RLF: variants seen among roughly 807,000 people sequenced by gnomAD.
The protein encoded by RLF is zinc finger protein Rlf.
In RLF, 7 loss-of-function variants were observed where a neutral mutation model predicts 162.9. The observed-to-expected ratio is 0.04, with a 90% CI of 0.02 to 0.08. The LOEUF (loss-of-function observed/expected upper bound fraction) is 0.08, where lower values mean the gene tolerates loss of function less well. RLF is among the 10% of genes least tolerant of loss of function. The pLI is 1.00. For missense variants in RLF, 1,664 were observed against 2,244.7 expected, an observed-to-expected ratio of 0.74 and a Z score of 5.23; for synonymous variants, 782 against 791.5, an observed-to-expected ratio of 0.99 and a Z score of 0.20.
chr1:40,196,094 G>A (rs1035040019), intron 4 of RLF, among the ~76,000 whole-genome samples: 5 of 149,116 alleles, frequency 3.4e-5, no homozygotes, highest in Non-Finnish European at 5.9e-5. Flanking sequence ...TTTTTTTCCC[G>A]AGACGTTGTC....
At chr1:40,211,683 G>A (rs1642866792) in intron 5 of RLF, among the ~76,000 whole-genome samples, 1 of 151,898 alleles carries the variant, frequency 6.6e-6, no homozygotes, top group Non-Finnish European at 1.5e-5. Context: ...GTGCAATGGC[G>A]TGATATCGGC....
At chr1:40,179,425 A>AT (rs1344136992) in intron 1 of RLF, among the ~76,000 whole-genome samples, 1 of 152,174 alleles carries the variant, frequency 6.6e-6, no homozygotes, top group Non-Finnish European at 1.5e-5. Context: ...TAATGCAGAA[A>AT]TGGAGGATGG....
At chr1:40,174,914 A>G (rs1642298776) in intron 1 of RLF, among the ~76,000 whole-genome samples, 1 of 152,208 alleles carries the variant, frequency 6.6e-6, no homozygotes, top group South Asian at 2.1e-4. Context: ...ATGTTAAATC[A>G]AAGGGCCAAG....
chr1:40,161,736 C>T lies in RLF; in HGVS notation c.237+100C>T, dbSNP rs954373888. The stretch of plus-strand genomic sequence containing the variant: ...CAGCCGGGTCCAAACTGAAAGGCGC[C>T]ACCTCCGTGACTCGCCGCGCCCCCG... On this transcript the variant is annotated intron_variant, in intron 1 of 7. Transcript: ENST00000372771. This position sits in a 1 kb window ranked among gnomAD's most constrained non-coding sequence, Gnocchi z 4.4. 3.4e-6 allele frequency: 5 copies of T among 1,472,988 alleles called. No homozygotes were observed. In the African/African-American group the frequency reaches 5.8e-5, roughly 17 times the overall value. The allele number at this position is 1,472,988 out of a possible 1,614,324, so 91.2% of individuals were successfully genotyped here. A position where few individuals can be genotyped will look rare whatever the true frequency, so the allele number is the denominator to read the frequency against.
At position 40,237,861 on chromosome 1, in the gene RLF, G is replaced by A; in HGVS notation, c.3159G>A (p.Arg1053=). The A allele has an allele frequency of 6.2e-7, 1 of 1,614,080 alleles. No homozygotes were observed. The highest frequency in any genetic ancestry group is 2.2e-5 in the East Asian group (1 of 44,874). The change falls in exon 8 of 8, where the codon AGG becomes AGA. Residue 1053 remains arginine (R), a synonymous_variant. Coordinates refer to ENST00000372771, the MANE Select transcript of RLF (RefSeq NM_012421.4). The surrounding 1 kb of genome is among the most constrained non-coding windows in gnomAD (Gnocchi z 4.4). ...SSESSICASK[R]PCTEDTMLEL... is the part of the protein sequence containing the mutation. ...AATCCTCCATTTGTGCTTCTAAAAG[G>A]CCCTGTACAGAGGATACCATGTTGG...
In RLF at chr1:40,222,724, GT is replaced by G. The variant is rs1290783037; in HGVS notation, c.947+18del. The G allele has an allele frequency of 6.2e-6, 10 of 1,608,052 alleles. 1 individual carries two copies. The South Asian group carries it at 7.7e-5, about 12-fold the overall frequency. On this transcript the variant is annotated intron_variant, in intron 6 of 7. Transcript: ENST00000372771. ...ATATTGTTCTTGGTAAGTATATTTA[GT>G]TTTACACTCTTTATTTGTTAGTACA...
intron 1 of RLF, among the ~76,000 whole-genome samples, chr1:40,163,330 G>GGGT (rs949274076): frequency 6.6e-6 from 1 of 152,034 alleles, no homozygotes; most frequent in African/African-American, 2.4e-5. Flanking sequence ...GGAAGGAGAG[G>GGGT]GGTGGTGCAG....
At chr1:40,231,735 C>G in intron 7 of RLF, 77 bp downstream of exon 7, 1 of 1,326,920 alleles carries the variant, frequency 7.5e-7, no homozygotes, top group Non-Finnish European at 1.0e-6. Context: ...TCAGGAAATT[C>G]CCTTTAAAGG....
intron 5 of RLF, among the ~76,000 whole-genome samples, chr1:40,217,982 G>C (rs1228307067): frequency 6.6e-6 from 1 of 152,202 alleles, no homozygotes; most frequent in East Asian, 1.9e-4. Flanking sequence ...GGTTATCATT[G>C]AGTTGTAAGA....
At chr1:40,215,484 T>G (rs1642914155) in intron 5 of RLF, among the ~76,000 whole-genome samples, 1 of 152,074 alleles carries the variant, frequency 6.6e-6, no homozygotes, top group East Asian at 1.9e-4. Flanking sequence ...AGAAGGAAAT[T>G]TGGGAAATTC....
chr1:40,171,984 G>C (rs1642251820), intron 1 of RLF, among the ~76,000 whole-genome samples: 1 of 151,964 alleles, frequency 6.6e-6, no homozygotes, highest in African/African-American at 2.4e-5. Context: ...TTTAGAAAAG[G>C]TTTCAAGCTT....
At chr1:40,183,448 GA>G (rs1460783316) in intron 1 of RLF, among the ~76,000 whole-genome samples, 1 of 152,132 alleles carries the variant, frequency 6.6e-6, no homozygotes, top group Admixed American at 6.5e-5. Context: ...GCCATTGCTT[GA>G]AAACATTCCC....
Position 40,202,542 on chromosome 1 carries a change from T to C in RLF, c.738T>C (p.Asn246=), listed in dbSNP as rs756492272. 3.2e-6 allele frequency: 5 copies of C among 1,569,402 alleles called. No individual in the cohort carries two copies. The highest frequency in any genetic ancestry group is 2.4e-5 in the South Asian group (2 of 81,730). The stretch of plus-strand genomic sequence containing the variant: ...GTGCAGAATCTAAAGAAATTTCAAA[T>C]GTGTCATCTTTTCAGCAAGCCTATA... ...KLCAESKEIS[N]VSSFQQAYIT... is the part of the protein sequence containing the mutation. Residue 246 remains asparagine (N), a synonymous_variant, in exon 5 of 8, where the codon AAT becomes AAC. Coordinates refer to ENST00000372771, the MANE Select transcript of RLF (RefSeq NM_012421.4).
intron 7 of RLF, among the ~76,000 whole-genome samples, chr1:40,235,480 T>C (rs1643205807): frequency 1.3e-5 from 2 of 152,230 alleles, no homozygotes; most frequent in African/African-American, 4.8e-5. Flanking sequence ...GTGACCTTTT[T>C]TATCCTGAAT....
chr1:40,185,669 A>T (rs1321699620), intron 1 of RLF, among the ~76,000 whole-genome samples: 3 of 142,936 alleles, frequency 2.1e-5, no homozygotes, highest in Non-Finnish European at 4.6e-5. Flanking sequence ...AAAAAAAAAA[A>T]AAAAAAAAAT....
At chr1:40,182,794 G>T (rs908906019) in intron 1 of RLF, among the ~76,000 whole-genome samples, 2 of 132,368 alleles carry the variant, frequency 1.5e-5, no homozygotes, top group East Asian at 4.8e-4. Flanking sequence ...GATAGATAGA[G>T]TAATAAGTTA....
At chr1:40,218,230 A>G (rs1422788036) in intron 5 of RLF, among the ~76,000 whole-genome samples, 1 of 152,156 alleles carries the variant, frequency 6.6e-6, no homozygotes, top group Non-Finnish European at 1.5e-5. Context: ...AATCAGCAAA[A>G]AGTACCATCA....
intron 3 of RLF, among the ~76,000 whole-genome samples, chr1:40,191,393 C>T (rs142117183): frequency 6.6e-6 from 1 of 152,166 alleles, no homozygotes; most frequent in Non-Finnish European, 1.5e-5. Flanking sequence ...CAAATATTAG[C>T]CGGGCATGGT....
Position 40,240,569 on chromosome 1 carries a change from A to T in RLF, c.*122A>T, listed in dbSNP as rs371856438. On this transcript the variant is annotated 3_prime_UTR_variant, in exon 8 of 8. Transcript: ENST00000372771. ...TTAGGGTAGAATAGGCTGTGTATTT[A>T]CATGAATGTATAATATCTATGTCAG... 7.4e-6 allele frequency: 5 copies of T among 677,070 alleles called. No individual in the cohort carries two copies. Among genetic ancestry groups the T allele is most frequent in the Non-Finnish European group, 1.3e-5 (5 of 389,578 alleles). 41.9% of individuals were successfully genotyped at this position (677,070 alleles called of 1,614,324 possible).
Sources: gnomAD v4.1 joint callset for allele counts (sites outside exome capture counted in the v4.1 genomes callset) on GRCh38, gnomAD v4.1.1 for gene constraint, Gnocchi (gnomAD v3.1) non-coding constraint, MANE v1.5 for transcripts, NCBI Gene and HGNC (gene_info 2026-07-23, HGNC 2026-07-21) for gene names.